Variants in SLC66A1 observed in about 807,000 individuals in gnomAD.
The protein encoded by SLC66A1 is lysosomal amino acid transporter 1 homolog.
SLC66A1 carries 23 observed loss-of-function variants against 33.0 expected under a neutral mutation model. The ratio of observed to expected loss-of-function variants is 0.70; its 90% confidence interval spans 0.50 to 0.99. SLC66A1 has a LOEUF of 0.99. SLC66A1 is among the 50% of genes least tolerant of loss of function. SLC66A1 has a pLI of 0.00. For missense variants in SLC66A1, 335 were observed against 383.6 expected (o/e 0.87, Z 1.06); for synonymous variants, 164 against 175.5 (o/e 0.93, Z 0.52).
At chr1:19,324,904 C>G (rs1388304058) in intron 3 of SLC66A1, 142 bp downstream of exon 3, 1 of 1,196,796 alleles carries the variant, frequency 8.4e-7, no homozygotes, top group Non-Finnish European at 1.2e-6. Flanking sequence ...GGGCCCCATC[C>G]TTCTGTCTGC....
intron 2 of SLC66A1, among the ~76,000 whole-genome samples, chr1:19,319,970 C>T (rs1159622025): frequency 1.3e-5 from 2 of 150,776 alleles, no homozygotes; most frequent in East Asian, 2.0e-4. Flanking sequence ...AATCTTGGCT[C>T]ACTGCAGCCT....
rs138214724 is a variant in SLC66A1, at chr1:19,329,059, C to A, written c.*416C>A. ...ACCACTTGACGTCCGTAGTTCGAGACCAGCCTGGCCAACATGGTGAAACCC... is the reference window on the plus strand; with the variant it reads ...ACCACTTGACGTCCGTAGTTCGAGAACAGCCTGGCCAACATGGTGAAACCC... On this transcript the variant is annotated 3_prime_UTR_variant, in exon 8 of 8. Coordinates refer to ENST00000375153, the MANE Select transcript of SLC66A1 (RefSeq NM_001040125.2). 1,988 of 197,132 alleles carry A rather than the reference C, an allele frequency of 0.01. 71 individuals are homozygous for A. The East Asian group carries it at 0.14, about 13-fold the overall frequency. The allele number at this position is 197,132 out of a possible 1,614,324, so 12.2% of individuals were successfully genotyped here. A position where few individuals can be genotyped will look rare whatever the true frequency, so the allele number is the denominator to read the frequency against.
Position 19,317,734 on chromosome 1 carries a change from C to T in SLC66A1, c.57C>T (p.Ile19=). The T allele has an allele frequency of 6.2e-7, 1 of 1,614,212 alleles. No homozygotes were observed. Among genetic ancestry groups the T allele is most frequent in the South Asian group, 1.1e-5 (1 of 91,082 alleles). ...RNFSSCPSGS[I]QWIWDVLGEC... is the part of the protein sequence containing the mutation. Reference sequence around the variant, plus strand: ...TCTCCAGCTGCCCCAGTGGCTCCATCCAGTGGATATGGGATGTGTTGGGTG... The same window carrying T: ...TCTCCAGCTGCCCCAGTGGCTCCATTCAGTGGATATGGGATGTGTTGGGTG... The change falls in exon 2 of 8, where the codon ATC becomes ATT. Residue 19 remains isoleucine (I), a synonymous_variant. Transcript: ENST00000375153.
chr1:19,318,802 A>T (rs976942292), intron 2 of SLC66A1, among the ~76,000 whole-genome samples: 1 of 146,712 alleles, frequency 6.8e-6, no homozygotes, highest in Non-Finnish European at 1.5e-5. Flanking sequence ...AAAAAAAAAA[A>T]TTAAAATTAA....
At chr1:19,325,693 A>C in intron 4 of SLC66A1, 111 bp downstream of exon 4, 2 of 938,384 alleles carry the variant, frequency 2.1e-6, no homozygotes, top group South Asian at 3.1e-5. Flanking sequence ...CTGGGTGATA[A>C]CCCAAACCTC....
At chr1:19,331,305 C>T (rs139748725), downstream of SLC66A1, among the ~76,000 whole-genome samples, 74 of 152,308 alleles carry the variant, frequency 4.9e-4, 1 homozygote, top group East Asian at 8.9e-3. Flanking sequence ...CCACCGCGCC[C>T]GGCCAAGATG....
chr1:19,327,592 C>T, intron 7 of SLC66A1, 180 bp downstream of exon 7: 1 of 816,786 alleles, frequency 1.2e-6, no homozygotes, highest in Non-Finnish European at 2.1e-6. Flanking sequence ...TCCTGTGTGC[C>T]AGGCACCCAG....
intron 2 of SLC66A1, 73 bp downstream of exon 2, chr1:19,317,914 C>G (rs2093814459): frequency 5.1e-6 from 8 of 1,554,890 alleles, no homozygotes; most frequent in Non-Finnish European, 1.7e-6. Flanking sequence ...TACTGCTCAG[C>G]GAGGGGTTGT....
chr1:19,330,987 C>T (rs1441210745), downstream of SLC66A1, among the ~76,000 whole-genome samples: 1 of 152,224 alleles, frequency 6.6e-6, no homozygotes, highest in Non-Finnish European at 1.5e-5. Flanking sequence ...ATCTCCCCGT[C>T]TTCACAGCCA....
chr1:19,324,015 A>G (rs1194084562), intron 2 of SLC66A1, among the ~76,000 whole-genome samples: 1 of 152,178 alleles, frequency 6.6e-6, no homozygotes, highest in African/African-American at 2.4e-5. Context: ...CAGAAGTCCT[A>G]AGAGGGTCCC....
intron 2 of SLC66A1, among the ~76,000 whole-genome samples, chr1:19,320,901 CAG>C (rs2093833651): frequency 6.7e-6 from 1 of 149,320 alleles, no homozygotes; most frequent in Non-Finnish European, 1.5e-5. Flanking sequence ...TTAGTAGAGA[CAG>C]GGTTACACCA....
At chr1:19,327,690 T>G in intron 7 of SLC66A1, 2 of 624,270 alleles carry the variant, frequency 3.2e-6, no homozygotes, top group Non-Finnish European at 3.1e-6. Flanking sequence ...GACACAACGC[T>G]ATCATCAAAG....
downstream of SLC66A1, among the ~76,000 whole-genome samples, chr1:19,330,071 G>T (rs903923101): frequency 1.3e-5 from 2 of 152,106 alleles, no homozygotes; most frequent in Admixed American, 1.3e-4. Flanking sequence ...AGCTTCCAGG[G>T]ATCCTCCCAC....
At chr1:19,325,638 T>TGGGGG (rs1294675966) in intron 4 of SLC66A1, 56 bp downstream of exon 4, 817 of 824,216 alleles carry the variant, frequency 9.9e-4, no homozygotes, top group East Asian at 1.3e-3. Flanking sequence ...GGGGCAGTTG[T>TGGGGG]GGGGGGGGGC....
At chr1:19,325,612 G>A in intron 4 of SLC66A1, 30 bp downstream of exon 4, 2 of 1,277,982 alleles carry the variant, frequency 1.6e-6, no homozygotes, top group Non-Finnish European at 2.2e-6. Context: ...TCTGTCAGAT[G>A]CTCTACCAGC....
intron 2 of SLC66A1, among the ~76,000 whole-genome samples, chr1:19,322,621 G>C (rs2093843346): frequency 6.6e-6 from 1 of 152,174 alleles, no homozygotes; most frequent in Non-Finnish European, 1.5e-5. Flanking sequence ...GAAGATGCCA[G>C]CGGAGCTCGT....
At chr1:19,330,395 G>C (rs1032191723), downstream of SLC66A1, among the ~76,000 whole-genome samples, 1 of 152,200 alleles carries the variant, frequency 6.6e-6, no homozygotes, top group Non-Finnish European at 1.5e-5. Context: ...TGGTGCCGCA[G>C]ATCCTTTGTG....
intron 1 of SLC66A1, among the ~76,000 whole-genome samples, chr1:19,317,365 G>T (rs932819564): frequency 6.6e-6 from 1 of 152,204 alleles, no homozygotes; most frequent in African/African-American, 2.4e-5. Context: ...GAACACACCC[G>T]TCCCTTCTGC....
At position 19,329,081 on chromosome 1, in the gene SLC66A1, A is replaced by AC. The variant is rs1295952995; in HGVS notation, c.*442dup. Reference sequence around the variant, plus strand: ...AGACCAGCCTGGCCAACATGGTGAAACCCCATCTCTACTAAAAATACAAAA... The same window carrying AC: ...AGACCAGCCTGGCCAACATGGTGAAACCCCCATCTCTACTAAAAATACAAAA... On this transcript the variant is annotated 3_prime_UTR_variant, in exon 8 of 8. Transcript: ENST00000375153. 5.6e-6 allele frequency: 1 copy of AC among 180,072 alleles called. No individual in the cohort carries two copies. The highest frequency in any genetic ancestry group is 1.8e-4 in the East Asian group (1 of 5,686). The allele number at this position is 180,072 out of a possible 1,614,324, so 11.2% of individuals were successfully genotyped here.
Sources: gnomAD v4.1 joint callset for allele counts (sites outside exome capture counted in the v4.1 genomes callset) on GRCh38, gnomAD v4.1.1 for gene constraint, MANE v1.5 for transcripts, NCBI Gene and HGNC (gene_info 2026-07-23, HGNC 2026-07-21) for gene names.